Variants in NTM observed in about 807,000 individuals in gnomAD.
NTM encodes the protein IgLON family member 2.
A neutral mutation model predicts 42.1 loss-of-function variants in NTM; 13 were observed. The observed-to-expected ratio is 0.31, with a 90% CI of 0.20 to 0.49. The LOEUF (loss-of-function observed/expected upper bound fraction) is 0.49. NTM is among the 20% of genes least tolerant of loss of function. NTM has a pLI of 0.99. For missense variants in NTM, 373 were observed against 452.8 expected, an observed-to-expected ratio of 0.82 and a Z score of 1.60; for synonymous variants, 187 against 179.2, an observed-to-expected ratio of 1.04 and a Z score of -0.35.
intron 1 of NTM, among the ~76,000 whole-genome samples, chr11:131,471,400 G>A (rs1290621188): frequency 6.6e-6 from 1 of 152,124 alleles, no homozygotes; most frequent in East Asian, 1.9e-4. Flanking sequence ...CTGCCCACTT[G>A]GGATCTATCA....
At chr11:131,909,580 C>A (rs891038188) in intron 1 of NTM, 34 of 152,420 alleles carry the variant, frequency 2.2e-4, no homozygotes, top group African/African-American at 7.7e-4. Context: ...GAGGCCGGCT[C>A]TGGGAATCCC....
intron 1 of NTM, among the ~76,000 whole-genome samples, chr11:131,608,375 T>C (rs1831002574): frequency 6.6e-6 from 1 of 152,246 alleles, no homozygotes; most frequent in African/African-American, 2.4e-5. Flanking sequence ...CAGGCTGTCA[T>C]AGAATAGGTG....
chr11:131,557,208 G>A (rs1051932706), intron 1 of NTM, among the ~76,000 whole-genome samples: 5 of 152,146 alleles, frequency 3.3e-5, no homozygotes, highest in Non-Finnish European at 5.9e-5. Context: ...TAACTAGGTT[G>A]CTATGTATGT....
chr11:131,789,602 A>AAGGAGAAGAAGAAGG, intron 1 of NTM, among the ~76,000 whole-genome samples: 1 of 71,886 alleles, frequency 1.4e-5, no homozygotes, highest in Non-Finnish European at 2.8e-5. Flanking sequence ...GAAGAAGAAG[A>AAGGAGAAGAAGAAGG]AGAAGAAGAA....
chr11:131,948,058 G>A (rs977686266), intron 2 of NTM, among the ~76,000 whole-genome samples: 2 of 152,094 alleles, frequency 1.3e-5, no homozygotes, highest in Admixed American at 1.3e-4. Context: ...GCAAGTTATT[G>A]TAATAGAAAT....
In NTM at chr11:131,670,362, TCTTC is replaced by T. The variant is rs1365941574; in HGVS notation, c.83-241186_83-241183del. ...CTTTCTCTCCCTCTCTCTCTTACTT[TCTTC>T]CTTCCTTCCTTCCTTTCTTTCTTTT... On this transcript the variant is annotated intron_variant, in intron 1 of 8. Transcript: ENST00000683400. Among the ~76,000 whole-genome samples, 802 of 151,972 alleles carry T rather than the reference TCTTC, an allele frequency of 5.3e-3. 7 individuals are homozygous for T. The highest frequency in any genetic ancestry group is 0.018 in the African/African-American group (745 of 41,484).
In NTM at chr11:132,115,829, A is replaced by G. The variant is rs903513065; in HGVS notation, c.168-30453A>G. 3.3e-5 allele frequency among the ~76,000 whole-genome samples: 5 copies of G among 152,288 alleles called. No homozygotes were observed. The South Asian group carries it at 6.2e-4, about 19-fold the overall frequency. On this transcript the variant is annotated intron_variant, in intron 2 of 8. Coordinates refer to ENST00000683400, the MANE Select transcript of NTM (RefSeq NM_001352005.2). ...TTTACCTGCAAATCATTCACACACT[A>G]TGTGGCAAGGGCTGGTGAGCCCTGC... is the stretch of plus-strand genomic sequence containing the variant.
intron 3 of NTM, among the ~76,000 whole-genome samples, chr11:132,208,056 G>A (rs1424382560): frequency 6.6e-6 from 1 of 152,174 alleles, no homozygotes; most frequent in Non-Finnish European, 1.5e-5. Context: ...AAGAAGGAGT[G>A]AATGAATGAA....
intron 1 of NTM, among the ~76,000 whole-genome samples, chr11:131,803,405 T>C (rs2092288719): frequency 6.6e-6 from 1 of 151,510 alleles, no homozygotes; most frequent in Admixed American, 6.6e-5. Flanking sequence ...GCCTCCTGGG[T>C]TCAAGCAATT....
At chr11:131,828,115 T>C (rs1477004463) in intron 1 of NTM, among the ~76,000 whole-genome samples, 1 of 151,674 alleles carries the variant, frequency 6.6e-6, no homozygotes, top group African/African-American at 2.4e-5. Flanking sequence ...ATTTTCCTTA[T>C]TTGTAAGATG....
At chr11:131,441,680 T>C (rs1388659090) in intron 1 of NTM, among the ~76,000 whole-genome samples, 4 of 152,136 alleles carry the variant, frequency 2.6e-5, no homozygotes, top group Non-Finnish European at 5.9e-5. Context: ...CTAGTAACCA[T>C]CCATGATCTA....
chr11:131,982,054 A>C (rs1593379795), intron 2 of NTM, among the ~76,000 whole-genome samples: 1 of 151,892 alleles, frequency 6.6e-6, no homozygotes, highest in Admixed American at 6.6e-5. Context: ...AAACAAAAAA[A>C]CCCACAGAAA....
intron 4 of NTM, among the ~76,000 whole-genome samples, chr11:132,297,288 A>G (rs1296707931): frequency 6.6e-6 from 1 of 152,182 alleles, no homozygotes; most frequent in Non-Finnish European, 1.5e-5. Context: ...CTGTCCCCCA[A>G]GTGGTCCCCT....
At chr11:131,852,689 GTATACCTAGGAAGGATATATAATTTGTC>G (rs2045682134) in intron 1 of NTM, among the ~76,000 whole-genome samples, 1 of 152,102 alleles carries the variant, frequency 6.6e-6, no homozygotes, top group African/African-American at 2.4e-5. Context: ...TCACTTTGAA[GTATACCTAGGAAGGATATATAATTTGTC>G]TATACCCACC....
At chr11:132,140,051 A>G (rs2068769503) in intron 2 of NTM, among the ~76,000 whole-genome samples, 2 of 152,204 alleles carry the variant, frequency 1.3e-5, no homozygotes, top group Non-Finnish European at 1.5e-5. Flanking sequence ...ATTTACATGC[A>G]TGTTTCCATT....
intron 1 of NTM, among the ~76,000 whole-genome samples, chr11:131,766,491 C>G (rs1461179119): frequency 1.3e-5 from 2 of 152,096 alleles, no homozygotes; most frequent in Non-Finnish European, 2.9e-5. Context: ...GGAGGTACGT[C>G]AAGGCTGTCA....
intron 1 of NTM, among the ~76,000 whole-genome samples, chr11:131,693,725 G>T (rs2075080222): frequency 6.6e-6 from 1 of 152,160 alleles, no homozygotes; most frequent in Non-Finnish European, 1.5e-5. Context: ...TCCCAGCTGG[G>T]CATTGTGGCT....
chr11:131,816,497 C>T (rs1366512498), intron 1 of NTM, among the ~76,000 whole-genome samples: 3 of 149,888 alleles, frequency 2.0e-5, no homozygotes, highest in Admixed American at 1.3e-4. Context: ...GACGAAATGA[C>T]GGTAGTTGAC....
intron 2 of NTM, among the ~76,000 whole-genome samples, chr11:131,918,129 G>A (rs1372907622): frequency 1.3e-5 from 2 of 152,168 alleles, no homozygotes. Context: ...GATAGTGGAA[G>A]TAGTGATAAT....
Sources: allele counts gnomAD v4.1 joint callset (sites outside exome capture counted in the v4.1 genomes callset), GRCh38; gene constraint gnomAD v4.1.1; transcripts MANE v1.5; gene names NCBI Gene and HGNC (gene_info 2026-07-23, HGNC 2026-07-21).